The following DEUP1 variants were observed in gnomAD, a reference collection of about 807,000 sequenced individuals.
DEUP1 encodes coiled-coil domain containing 67.
Under a neutral mutation model 87.4 loss-of-function variants are expected in DEUP1, and 82 were observed. The observed-to-expected ratio is 0.94, with a 90% confidence interval of 0.78 to 1.13. DEUP1 has a LOEUF of 1.13. Among genes scored for constraint, DEUP1 ranks in the 50% most tolerant of loss-of-function variants. The probability of loss-of-function intolerance (pLI) is 0.00; values close to 1 mark genes in which losing one functional copy is unlikely to be tolerated. For synonymous variants in DEUP1, 214 were observed against 222.7 expected (o/e 0.96, Z 0.35); for missense variants, 663 against 681.5 (o/e 0.97, Z 0.30).
chr11:93,411,055 G>A (rs1341580186), intron 12 of DEUP1: 2 of 152,154 alleles, frequency 1.3e-5, no homozygotes, highest in Non-Finnish European at 2.9e-5. Context: ...TTATTACCAT[G>A]TAAATCCTAC....
At chr11:93,333,346 C>A (rs968476660) in intron 2 of DEUP1, among the ~76,000 whole-genome samples, 2 of 152,148 alleles carry the variant, frequency 1.3e-5, no homozygotes, top group Non-Finnish European at 2.9e-5. Flanking sequence ...ATCTCTAGGA[C>A]CAAAGTGGTT....
intron 7 of DEUP1, among the ~76,000 whole-genome samples, chr11:93,373,854 A>C (rs943938873): frequency 5.3e-5 from 8 of 152,002 alleles, no homozygotes; most frequent in African/African-American, 1.7e-4. Flanking sequence ...GAGTTCTTTA[A>C]GGAATCTCCA....
At chr11:93,372,122 G>T (rs1304746847) in intron 7 of DEUP1, among the ~76,000 whole-genome samples, 1 of 151,624 alleles carries the variant, frequency 6.6e-6, no homozygotes, top group Admixed American at 6.6e-5. Flanking sequence ...TAGAGACGGG[G>T]TTTCACCGTT....
intron 13 of DEUP1, among the ~76,000 whole-genome samples, chr11:93,418,219 G>T (rs1422356512): frequency 6.6e-6 from 1 of 152,004 alleles, no homozygotes; most frequent in African/African-American, 2.4e-5. Context: ...CACAGCAAAA[G>T]AAACTACCAT....
In DEUP1 at chr11:93,341,254, CAA is replaced by C. The variant is rs200524561; in HGVS notation, c.29+8980_29+8981del. Among the ~76,000 whole-genome samples the C allele has an allele frequency of 4.2e-3, 575 of 136,186 alleles. 4 individuals are homozygous for C. The highest frequency in any genetic ancestry group is 0.014 in the African/African-American group (490 of 36,066). 89.3% of individuals were successfully genotyped at this position (136,186 alleles called of 152,430 possible). On this transcript the variant is annotated intron_variant, in intron 2 of 13. Transcript: ENST00000298050. The stretch of plus-strand genomic sequence containing the variant: ...GCATCATAACAAGACCCTGTCTCTA[CAA>C]AAAAAAAAAAAAATTAGCTGGGTGT...
chr11:93,386,529 T>A (rs886618263), intron 8 of DEUP1, among the ~76,000 whole-genome samples: 1 of 152,242 alleles, frequency 6.6e-6, no homozygotes, highest in African/African-American at 2.4e-5. Context: ...GGATGCTTTA[T>A]TGAAAGATTG....
intron 13 of DEUP1, among the ~76,000 whole-genome samples, chr11:93,429,913 A>G (rs1445444569): frequency 6.6e-6 from 1 of 152,164 alleles, no homozygotes; most frequent in African/African-American, 2.4e-5. Flanking sequence ...TCTGTGATGG[A>G]GGCCTTAAAA....
chr11:93,428,700 A>C (rs1473788568), intron 13 of DEUP1, among the ~76,000 whole-genome samples: 1 of 152,210 alleles, frequency 6.6e-6, no homozygotes, highest in Non-Finnish European at 1.5e-5. Flanking sequence ...ATCACAATCT[A>C]ATTTTGAAAT....
At chr11:93,341,362 C>T (rs1029390577) in intron 2 of DEUP1, among the ~76,000 whole-genome samples, 2 of 152,152 alleles carry the variant, frequency 1.3e-5, no homozygotes, top group Non-Finnish European at 2.9e-5. Flanking sequence ...TTTTCTCTCG[C>T]CTCCGTCATG....
intron 13 of DEUP1, among the ~76,000 whole-genome samples, chr11:93,420,643 T>C (rs1226076885): frequency 6.8e-6 from 1 of 147,558 alleles, no homozygotes; most frequent in Admixed American, 6.9e-5. Flanking sequence ...GCAGATGACA[T>C]GATTGTATAT....
intron 2 of DEUP1, among the ~76,000 whole-genome samples, chr11:93,347,893 C>T (rs1318804194): frequency 6.6e-6 from 1 of 152,124 alleles, no homozygotes; most frequent in Non-Finnish European, 1.5e-5. Context: ...GCGCGTGCCA[C>T]CACGCCTGGC....
At chr11:93,348,044 G>T (rs1373441739) in intron 2 of DEUP1, among the ~76,000 whole-genome samples, 1 of 152,104 alleles carries the variant, frequency 6.6e-6, no homozygotes, top group East Asian at 1.9e-4. Context: ...CCGGCCCAGA[G>T]ATTCAGTTTT....
chr11:93,370,591 G>C (rs1166446798), intron 6 of DEUP1, among the ~76,000 whole-genome samples: 2 of 151,992 alleles, frequency 1.3e-5, no homozygotes, highest in Non-Finnish European at 2.9e-5. Context: ...TTTTTCTTTT[G>C]CATTGTTTGC....
chr11:93,402,536 T>G (rs1947149625), intron 11 of DEUP1, among the ~76,000 whole-genome samples: 1 of 151,932 alleles, frequency 6.6e-6, no homozygotes, highest in Non-Finnish European at 1.5e-5. Flanking sequence ...AATCAATATA[T>G]AAAAGAGATA....
chr11:93,357,090 T>G, intron 4 of DEUP1, 47 bp downstream of exon 4: 1 of 1,168,172 alleles, frequency 8.6e-7, no homozygotes, highest in East Asian at 2.6e-5. Flanking sequence ...TGATATATTT[T>G]TTTTTACCTG....
chr11:93,417,514 C>G (rs1240666950), intron 13 of DEUP1, among the ~76,000 whole-genome samples: 1 of 152,184 alleles, frequency 6.6e-6, no homozygotes, highest in Non-Finnish European at 1.5e-5. Flanking sequence ...CAAACCACTG[C>G]TCAATGAAAT....
intron 3 of DEUP1, among the ~76,000 whole-genome samples, chr11:93,356,564 AC>A (rs1285077508): frequency 6.6e-6 from 1 of 152,190 alleles, no homozygotes; most frequent in Non-Finnish European, 1.5e-5. Context: ...ATTTCATAAT[AC>A]CACTAAAACA....
At chr11:93,436,016 T>G (rs1309442161) in intron 13 of DEUP1, among the ~76,000 whole-genome samples, 1 of 149,064 alleles carries the variant, frequency 6.7e-6, no homozygotes, top group African/African-American at 2.5e-5. Flanking sequence ...AAAAAAAATT[T>G]TTTCTGTGTC....
chr11:93,434,238 C>A (rs1948177600), intron 13 of DEUP1, among the ~76,000 whole-genome samples: 1 of 152,172 alleles, frequency 6.6e-6, no homozygotes, highest in Non-Finnish European at 1.5e-5. Context: ...GTGAGATAAG[C>A]CACAGCCCCT....
Sources: gnomAD v4.1 joint callset for allele counts (sites outside exome capture counted in the v4.1 genomes callset) on GRCh38, gnomAD v4.1.1 for gene constraint, MANE v1.5 for transcripts, NCBI Gene and HGNC (gene_info 2026-07-23, HGNC 2026-07-21) for gene names.